Variants in SPON1 observed in about 807,000 individuals in gnomAD.
SPON1 encodes the protein spondin 1.
Under a neutral mutation model 111.7 loss-of-function variants are expected in SPON1, and 52 were observed. The observed-to-expected ratio is 0.47, with a 90% CI of 0.37 to 0.59. SPON1 has a LOEUF of 0.59. SPON1 is among the 20% of genes least tolerant of loss of function. The pLI is 0.00. For synonymous variants in SPON1, 410 were observed against 395.8 expected (o/e 1.04, Z -0.43); for missense variants, 957 against 1,068.5 (o/e 0.90, Z 1.46).
intron 6 of SPON1, among the ~76,000 whole-genome samples, chr11:14,224,549 C>T (rs2133908506): frequency 6.6e-6 from 1 of 152,230 alleles, no homozygotes; most frequent in East Asian, 1.9e-4. Context: ...ATGAATGGGA[C>T]TGAATTTAGC....
intron 6 of SPON1, among the ~76,000 whole-genome samples, chr11:14,166,403 A>G (rs1349188655): frequency 2.6e-5 from 4 of 152,216 alleles, no homozygotes; most frequent in Non-Finnish European, 5.9e-5. Flanking sequence ...AAATAGCTCT[A>G]AAGAAATTAG....
intron 1 of SPON1, among the ~76,000 whole-genome samples, chr11:13,973,926 G>A (rs191800995): frequency 8.5e-5 from 13 of 152,302 alleles, no homozygotes; most frequent in African/African-American, 3.1e-4. Flanking sequence ...TTGAGTGGGA[G>A]AAACTTCATC....
intron 1 of SPON1, among the ~76,000 whole-genome samples, chr11:13,969,173 A>G (rs1848042861): frequency 6.8e-6 from 1 of 146,786 alleles, no homozygotes. Flanking sequence ...TAACCCCAGG[A>G]GTTCAAAATC....
chr11:14,206,505 G>A (rs1262233916), intron 6 of SPON1, among the ~76,000 whole-genome samples: 1 of 151,978 alleles, frequency 6.6e-6, no homozygotes, highest in Non-Finnish European at 1.5e-5. Flanking sequence ...AATTTATTTA[G>A]GTCTTCTGTT....
chr11:14,070,055 C>T (rs1348701984), intron 3 of SPON1, among the ~76,000 whole-genome samples: 1 of 152,146 alleles, frequency 6.6e-6, no homozygotes, highest in East Asian at 1.9e-4. Context: ...ATGCGGCCAT[C>T]GTTCAGTTAG....
chr11:14,084,540 G>T (rs782287762), intron 5 of SPON1, among the ~76,000 whole-genome samples: 11 of 152,174 alleles, frequency 7.2e-5, no homozygotes, highest in Non-Finnish European at 1.5e-4. Context: ...TCTTTATCCA[G>T]TCTATCACTG....
chr11:14,240,275 A>T (rs773142028), intron 6 of SPON1, among the ~76,000 whole-genome samples: 27 of 152,226 alleles, frequency 1.8e-4, no homozygotes, highest in Non-Finnish European at 2.1e-4. Context: ...CTACCAGATA[A>T]CTTGCTGCTT....
At chr11:14,026,623 T>C (rs1554915342) in intron 2 of SPON1, among the ~76,000 whole-genome samples, 1 of 152,188 alleles carries the variant, frequency 6.6e-6, no homozygotes, top group Admixed American at 6.5e-5. Flanking sequence ...CCCATGCCGA[T>C]GTCTGCTGAC....
intron 3 of SPON1, among the ~76,000 whole-genome samples, chr11:14,074,183 A>T (rs2133829359): frequency 6.6e-6 from 1 of 152,362 alleles, no homozygotes; most frequent in South Asian, 2.1e-4. Context: ...AGCATATTTC[A>T]TTCATTTATT....
At chr11:14,244,622 C>A (rs1425579364) in intron 7 of SPON1, among the ~76,000 whole-genome samples, 1 of 152,116 alleles carries the variant, frequency 6.6e-6, no homozygotes, top group Non-Finnish European at 1.5e-5. Context: ...GTGGCGCATG[C>A]CTGTAGTCCC....
At chr11:14,013,436 A>G (rs183838972) in intron 2 of SPON1, among the ~76,000 whole-genome samples, 1 of 152,306 alleles carries the variant, frequency 6.6e-6, no homozygotes, top group East Asian at 1.9e-4. Context: ...AAAACTGTCA[A>G]TTAATAAACT....
intron 14 of SPON1, among the ~76,000 whole-genome samples, chr11:14,260,986 C>A (rs1415466122): frequency 6.6e-6 from 1 of 152,156 alleles, no homozygotes; most frequent in East Asian, 1.9e-4. Flanking sequence ...CCTGTGAAGT[C>A]TAAATGACAG....
chr11:14,141,024 C>CCG (rs1847648835), intron 6 of SPON1, among the ~76,000 whole-genome samples: 1 of 124,560 alleles, frequency 8.0e-6, no homozygotes, highest in African/African-American at 2.8e-5. Context: ...CAGGCGTGCC[C>CCG]CCCCCATGCC....
chr11:14,210,952 A>G (rs940736675), intron 6 of SPON1, among the ~76,000 whole-genome samples: 26 of 152,034 alleles, frequency 1.7e-4, no homozygotes, highest in South Asian at 2.1e-4. Context: ...GTTCTGTTCC[A>G]TTGGTCTATA....
In SPON1 at chr11:13,982,998, G is replaced by A. The variant is rs563656974; in HGVS notation, c.345+45G>A. ...TATTCAGTGGCCCTCCCTGCCCTAGGAGGTAGAGGCTGGAGAGGTACAAGT... is the reference window on the plus strand; with the variant it reads ...TATTCAGTGGCCCTCCCTGCCCTAGAAGGTAGAGGCTGGAGAGGTACAAGT... On this transcript the variant is annotated intron_variant, in intron 2 of 15. Transcript: ENST00000576479. 6.8e-5 allele frequency: 91 copies of A among 1,344,380 alleles called. No individual in the cohort carries two copies. The South Asian group carries it at 7.1e-4, about 10-fold the overall frequency. 83.3% of individuals were successfully genotyped at this position (1,344,380 alleles called of 1,614,324 possible).
At chr11:14,160,048 G>A (rs1847892045) in intron 6 of SPON1, among the ~76,000 whole-genome samples, 1 of 151,810 alleles carries the variant, frequency 6.6e-6, no homozygotes, top group Non-Finnish European at 1.5e-5. Flanking sequence ...AGTATAATTG[G>A]ATTGTTTGTA....
chr11:14,238,075 T>C (rs984961448), intron 6 of SPON1, among the ~76,000 whole-genome samples: 2 of 152,228 alleles, frequency 1.3e-5, no homozygotes, highest in African/African-American at 2.4e-5. Flanking sequence ...CTTGCAAATG[T>C]GTTGTAAGGA....
chr11:14,214,706 G>A (rs780421476), intron 6 of SPON1, among the ~76,000 whole-genome samples: 9 of 152,058 alleles, frequency 5.9e-5, no homozygotes, highest in East Asian at 1.9e-4. Flanking sequence ...AGAGAGCCTC[G>A]GAGAACTGTC....
chr11:14,090,199 GAAAAA>G (rs3047374), intron 5 of SPON1, among the ~76,000 whole-genome samples: 2 of 113,254 alleles, frequency 1.8e-5, no homozygotes, highest in African/African-American at 3.5e-5. Context: ...ACTAGGGTAT[GAAAAA>G]AAAAAAAAAA....
Sources: allele counts gnomAD v4.1 joint callset (sites outside exome capture counted in the v4.1 genomes callset), GRCh38; gene constraint gnomAD v4.1.1; transcripts MANE v1.5; gene names NCBI Gene and HGNC (gene_info 2026-07-23, HGNC 2026-07-21).